The following RIMS2 variants were observed in gnomAD, a reference collection of about 807,000 sequenced individuals.
The protein encoded by RIMS2 is regulating synaptic membrane exocytosis 2, also known as regulating synaptic membrane exocytosis protein 2.
In RIMS2, 59 loss-of-function variants were observed where a neutral mutation model predicts 174.4. The ratio of observed to expected loss-of-function variants is 0.34; its 90% CI spans 0.27 to 0.42. The LOEUF is 0.42. Among genes scored for constraint, RIMS2 ranks in the 10% least tolerant of loss-of-function variants. RIMS2 has a pLI of 1.00. For missense variants in RIMS2, 1,620 were observed against 1,666.3 expected (o/e 0.97, Z 0.48); for synonymous variants, 606 against 572.5 (o/e 1.06, Z -0.84).
chr8:103,500,612 T>G, upstream of RIMS2: 2 of 331,664 alleles, frequency 6.0e-6, no homozygotes, highest in Non-Finnish European at 1.1e-5. Context: ...CGGCCTCCAG[T>G]TCCCCTTTCC....
At chr8:103,983,997 C>A (rs1435958594) in intron 16 of RIMS2, among the ~76,000 whole-genome samples, 1 of 151,956 alleles carries the variant, frequency 6.6e-6, no homozygotes, top group Non-Finnish European at 1.5e-5. Context: ...CACGGTGAAA[C>A]CCCGTCTCTA....
At chr8:103,702,846 C>T (rs1353766749) in intron 2 of RIMS2, among the ~76,000 whole-genome samples, 3 of 133,970 alleles carry the variant, frequency 2.2e-5, no homozygotes, top group Non-Finnish European at 4.6e-5. Flanking sequence ...TGTAATTCCT[C>T]CAGCTGTTTT....
intron 3 of RIMS2, among the ~76,000 whole-genome samples, chr8:103,852,333 G>T (rs1464490302): frequency 2.6e-5 from 4 of 151,564 alleles, no homozygotes; most frequent in African/African-American, 7.3e-5. Context: ...ATTTTAAAAT[G>T]ATTTCATTTA....
At chr8:103,619,093 GAAAA>G (rs56210078) in intron 1 of RIMS2, among the ~76,000 whole-genome samples, 22 of 107,198 alleles carry the variant, frequency 2.1e-4, no homozygotes, top group African/African-American at 2.6e-4. Context: ...ACTTTTTGCT[GAAAA>G]AAAAAAAAAA....
intron 19 of RIMS2, chr8:104,015,461 G>C: frequency 1.4e-6 from 1 of 698,408 alleles, no homozygotes; most frequent in South Asian, 1.5e-5. Flanking sequence ...ATGAAGGTCT[G>C]TACATAAAAG....
At chr8:103,844,168 A>C (rs2098955958) in intron 3 of RIMS2, among the ~76,000 whole-genome samples, 1 of 152,126 alleles carries the variant, frequency 6.6e-6, no homozygotes, top group Non-Finnish European at 1.5e-5. Flanking sequence ...TCCTTTGTAA[A>C]TTGCCCAGTC....
chr8:104,077,173 T>G (rs748171228), intron 19 of RIMS2, among the ~76,000 whole-genome samples: 1 of 152,120 alleles, frequency 6.6e-6, no homozygotes, highest in African/African-American at 2.4e-5. Context: ...GAGCAGAGCT[T>G]GATATGTAAC....
At chr8:103,780,999 G>T (rs1239784958) in intron 3 of RIMS2, among the ~76,000 whole-genome samples, 1 of 152,076 alleles carries the variant, frequency 6.6e-6, no homozygotes, top group African/African-American at 2.4e-5. Context: ...AAATGATTGG[G>T]TTGCTGCCCA....
chr8:103,981,435 C>A (rs997245013), intron 16 of RIMS2, among the ~76,000 whole-genome samples: 8 of 152,152 alleles, frequency 5.3e-5, no homozygotes, highest in African/African-American at 1.9e-4. Context: ...ATGGGCACAA[C>A]AAGCCAAGAC....
chr8:103,787,232 C>G, intron 3 of RIMS2, among the ~76,000 whole-genome samples: 1 of 150,690 alleles, frequency 6.6e-6, no homozygotes, highest in Non-Finnish European at 1.5e-5. Context: ...TCCAATTTGC[C>G]AGTCTGTGTC....
In RIMS2 at chr8:103,611,864, C is replaced by CTATCTA. The variant is rs556437623; in HGVS notation, c.177-85216_177-85211dup. Reference sequence around the variant, plus strand: ...GATATTATCCTTTTCAATAAACTTTCTATCTATATCTCTTTCTCTACCTCT... The same window carrying CTATCTA: ...GATATTATCCTTTTCAATAAACTTTCTATCTATATCTATATCTCTTTCTCTACCTCT... On this transcript the variant is annotated intron_variant, in intron 1 of 23. Transcript: ENST00000504942. Among the ~76,000 whole-genome samples, 687 of 152,168 alleles carry CTATCTA rather than the reference C, an allele frequency of 4.5e-3. 3 individuals carry two copies. Among genetic ancestry groups the CTATCTA allele is most frequent in the Non-Finnish European group, 7.3e-3 (499 of 68,002 alleles).
intron 1 of RIMS2, among the ~76,000 whole-genome samples, chr8:103,679,957 T>C (rs1318507419): frequency 6.6e-6 from 1 of 152,016 alleles, no homozygotes; most frequent in African/African-American, 2.4e-5. Flanking sequence ...ATATTATTAG[T>C]GGTTGCCTTT....
chr8:104,043,519 G>A (rs939310748), intron 19 of RIMS2, among the ~76,000 whole-genome samples: 1 of 151,648 alleles, frequency 6.6e-6, no homozygotes, highest in African/African-American at 2.4e-5. Context: ...TTGAAGTAAT[G>A]TTCAAATGGA....
chr8:103,622,046 C>T (rs1398404199), intron 1 of RIMS2, among the ~76,000 whole-genome samples: 1 of 151,924 alleles, frequency 6.6e-6, no homozygotes, highest in Non-Finnish European at 1.5e-5. Flanking sequence ...TTAAAATTAT[C>T]ATTAATTTCT....
chr8:103,846,304 T>A (rs1330995884), intron 3 of RIMS2, among the ~76,000 whole-genome samples: 1 of 152,120 alleles, frequency 6.6e-6, no homozygotes, highest in Non-Finnish European at 1.5e-5. Flanking sequence ...AGAATTCAGG[T>A]GCATATGCTT....
chr8:103,984,040 G>A (rs1301262153), intron 16 of RIMS2, among the ~76,000 whole-genome samples: 3 of 152,152 alleles, frequency 2.0e-5, no homozygotes, highest in African/African-American at 7.2e-5. Flanking sequence ...CAGGCGTGGT[G>A]GCGGGCACCT....
chr8:104,051,384 C>T (rs1386322019), intron 19 of RIMS2, among the ~76,000 whole-genome samples: 1 of 151,832 alleles, frequency 6.6e-6, no homozygotes, highest in African/African-American at 2.4e-5. Flanking sequence ...TGTTGCATAA[C>T]TTATGGGAAG....
chr8:104,246,587 C>T (rs2441806), intron 20 of RIMS2, among the ~76,000 whole-genome samples: 52,429 of 151,974 alleles, frequency 0.34, 9,505 homozygotes, highest in African/African-American at 0.47. Flanking sequence ...TTAGATAGCA[C>T]ACATGCTAAG....
chr8:103,884,772 A>G (rs2099189971), intron 3 of RIMS2, among the ~76,000 whole-genome samples: 1 of 151,908 alleles, frequency 6.6e-6, no homozygotes, highest in Admixed American at 6.6e-5. Flanking sequence ...AATTTAGGTG[A>G]ACCAATACTA....
Sources: allele counts gnomAD v4.1 joint callset (sites outside exome capture counted in the v4.1 genomes callset), GRCh38; gene constraint gnomAD v4.1.1; transcripts MANE v1.5; gene names NCBI Gene and HGNC (gene_info 2026-07-23, HGNC 2026-07-21).